The following MEI4 variants were observed in gnomAD, a reference collection of about 807,000 sequenced individuals.
MEI4 encodes the protein meiosis-specific protein MEI4.
Under a neutral mutation model 31.4 loss-of-function variants are expected in MEI4, and 27 were observed. The ratio of observed to expected loss-of-function variants is 0.86; its 90% CI spans 0.63 to 1.19. The LOEUF (loss-of-function observed/expected upper bound fraction) is 1.19, where lower values mean the gene tolerates loss of function less well. Ranked by LOEUF, MEI4 falls within the 50% of genes most tolerant of loss-of-function variation. MEI4 has a pLI of 0.00. For missense variants in MEI4, 329 were observed against 398.9 expected (o/e 0.82, Z 1.49); for synonymous variants, 122 against 145.4 (o/e 0.84, Z 1.16).
chr6:77,861,285 C>CAA (rs1770859618), intron 4 of MEI4, among the ~76,000 whole-genome samples: 1 of 152,162 alleles, frequency 6.6e-6, no homozygotes, highest in Non-Finnish European at 1.5e-5. Flanking sequence ...TGCAAAACCA[C>CAA]AATTACTTTT....
At chr6:77,700,577 C>T (rs576413865) in intron 2 of MEI4, among the ~76,000 whole-genome samples, 22 of 152,296 alleles carry the variant, frequency 1.4e-4, no homozygotes, top group Middle Eastern at 3.4e-3. Flanking sequence ...CTTCGGCTCA[C>T]ATACGGTGTG....
intron 2 of MEI4, among the ~76,000 whole-genome samples, chr6:77,723,532 GCTCT>G (rs2127664366): frequency 1.5e-5 from 1 of 66,206 alleles, no homozygotes; most frequent in South Asian, 5.4e-4. Context: ...AAGTCAGGTG[GCTCT>G]CTACCTGTTG....
chr6:77,820,408 C>T lies in MEI4; in HGVS notation c.769-8523C>T, dbSNP rs1426613134. On this transcript the variant is annotated intron_variant, in intron 3 of 4. Coordinates refer to ENST00000684080, the MANE Select transcript of MEI4 (RefSeq NM_001322247.2). The surrounding 1 kb of genome is among the most constrained non-coding windows in gnomAD (Gnocchi z 4.5). ...TCCTGAGTAGCTGGGACTACAGGCA[C>T]ACGCCACCATGCCCCCCTGGCTAAT... is the stretch of plus-strand genomic sequence containing the variant. Among the ~76,000 whole-genome samples, 1 of 151,416 alleles carries T rather than the reference C, an allele frequency of 6.6e-6. No homozygotes were observed. The highest frequency in any genetic ancestry group is 6.6e-5 in the Admixed American group (1 of 15,236).
intron 4 of MEI4, among the ~76,000 whole-genome samples, chr6:77,846,396 A>C (rs1426936908): frequency 6.6e-6 from 1 of 151,968 alleles, no homozygotes; most frequent in African/African-American, 2.4e-5. Context: ...GTATCATTTC[A>C]TGCCACTGAA....
At chr6:77,712,967 T>C (rs942411722) in intron 2 of MEI4, among the ~76,000 whole-genome samples, 1 of 145,782 alleles carries the variant, frequency 6.9e-6, no homozygotes, top group African/African-American at 2.5e-5. Context: ...TGAGACTCCA[T>C]CTCAAAAAAA....
intron 4 of MEI4, among the ~76,000 whole-genome samples, chr6:77,896,187 CTCTA>C (rs1766081039): frequency 6.6e-6 from 1 of 152,026 alleles, no homozygotes; most frequent in Non-Finnish European, 1.5e-5. Context: ...GGAATGCAAG[CTCTA>C]TCTATTATGA....
chr6:77,695,455 G>A (rs975353811), intron 2 of MEI4, among the ~76,000 whole-genome samples: 1 of 152,160 alleles, frequency 6.6e-6, no homozygotes, highest in Non-Finnish European at 1.5e-5. Flanking sequence ...GCGTAAGGAA[G>A]GGATCCAGTT....
intron 1 of MEI4, among the ~76,000 whole-genome samples, chr6:77,658,839 G>A (rs1319359428): frequency 6.6e-6 from 1 of 152,118 alleles, no homozygotes; most frequent in African/African-American, 2.4e-5. Context: ...GTGCCCAAGG[G>A]GGTTCAGCAT....
At chr6:77,714,953 G>C (rs1254267535) in intron 2 of MEI4, among the ~76,000 whole-genome samples, 1 of 152,180 alleles carries the variant, frequency 6.6e-6, no homozygotes, top group Non-Finnish European at 1.5e-5. Context: ...TTGCAGTAGA[G>C]TCAGTTGTTG....
intron 3 of MEI4, among the ~76,000 whole-genome samples, chr6:77,778,699 C>A (rs959400055): frequency 1.4e-5 from 2 of 145,334 alleles, no homozygotes; most frequent in African/African-American, 5.2e-5. Flanking sequence ...GACCTGAGAC[C>A]CTGTCTCAAA....
At chr6:77,685,250 C>T (rs184145264) in intron 1 of MEI4, among the ~76,000 whole-genome samples, 323 of 150,086 alleles carry the variant, frequency 2.2e-3, no homozygotes, top group African/African-American at 7.2e-3. Context: ...TTCTGGCTAT[C>T]AATTCCTTGT....
intron 3 of MEI4, among the ~76,000 whole-genome samples, chr6:77,794,051 A>T (rs1769011390): frequency 6.6e-6 from 1 of 152,192 alleles, no homozygotes; most frequent in African/African-American, 2.4e-5. Context: ...GGCTGCCTAC[A>T]AGGAACTCAC....
intron 4 of MEI4, among the ~76,000 whole-genome samples, chr6:77,902,285 T>C (rs1402652564): frequency 1.3e-5 from 2 of 152,128 alleles, no homozygotes; most frequent in Admixed American, 1.3e-4. Context: ...TGAATCTGTA[T>C]ATTATTTTGA....
intron 2 of MEI4, among the ~76,000 whole-genome samples, chr6:77,715,492 C>T (rs1030478354): frequency 2.0e-4 from 30 of 152,226 alleles, no homozygotes; most frequent in African/African-American, 5.1e-4. Context: ...ATAGTTTTAT[C>T]GTTTTAATCA....
chr6:77,743,427 G>T (rs565256844), intron 2 of MEI4, among the ~76,000 whole-genome samples: 1 of 152,150 alleles, frequency 6.6e-6, no homozygotes, highest in Admixed American at 6.5e-5. Context: ...CTGTTTGTCT[G>T]TTATTGGTGT....
intron 4 of MEI4, among the ~76,000 whole-genome samples, chr6:77,833,161 A>T (rs10943496): frequency 0.44 from 66,666 of 151,202 alleles, 15,363 homozygotes; most frequent in South Asian, 0.52. Context: ...TAGTAGCAGC[A>T]TTTTCTTACC....
chr6:77,690,775 A>AC lies in MEI4; in HGVS notation c.106dup (p.Leu36ProfsTer7). 8.1e-7 allele frequency: 1 copy of AC among 1,231,714 alleles called. No homozygotes were observed. Among genetic ancestry groups the AC allele is most frequent in the Non-Finnish European group, 1.0e-6 (1 of 987,462 alleles). 76.3% of individuals were successfully genotyped at this position (1,231,714 alleles called of 1,614,324 possible). On this transcript the variant is annotated frameshift_variant, in exon 2 of 5. Transcript: ENST00000684080. LOFTEE classifies it high-confidence loss of function. ...AAAAGCAGCAGAGAATACACAGAGC[A>AC]CCTTGCTATGTTGCTGTCTGAGGAG... is the stretch of plus-strand genomic sequence containing the variant.
At chr6:77,815,164 A>G (rs1769660548) in intron 3 of MEI4, among the ~76,000 whole-genome samples, 1 of 152,050 alleles carries the variant, frequency 6.6e-6, no homozygotes. Context: ...CTATCTCCAA[A>G]GTTGCCCTCT....
intron 3 of MEI4, among the ~76,000 whole-genome samples, chr6:77,765,166 C>T (rs6903453): frequency 2.0e-5 from 3 of 151,898 alleles, no homozygotes; most frequent in African/African-American, 4.8e-5. Context: ...ACCACTTCAT[C>T]GGGCTAAATA....
Sources: allele counts gnomAD v4.1 joint callset (sites outside exome capture counted in the v4.1 genomes callset), GRCh38; gene constraint gnomAD v4.1.1; non-coding constraint Gnocchi (gnomAD v3.1); transcripts MANE v1.5; gene names NCBI Gene and HGNC (gene_info 2026-07-23, HGNC 2026-07-21).